RHOT1: variants seen among roughly 807,000 people sequenced by gnomAD.
The protein encoded by RHOT1 is ras homolog family member T1.
RHOT1 carries 27 observed loss-of-function variants against 95.3 expected under a neutral mutation model. That is an observed-to-expected ratio of 0.28 (90% CI 0.21 to 0.39). RHOT1 has a LOEUF of 0.39. Among genes scored for constraint, RHOT1 ranks in the 10% least tolerant of loss-of-function variants. The probability of loss-of-function intolerance (pLI) is 1.00; values close to 1 mark genes in which losing one functional copy is unlikely to be tolerated. For missense variants in RHOT1, 578 were observed against 786.7 expected, an observed-to-expected ratio of 0.73 and a Z score of 3.17; for synonymous variants, 227 against 263.5, an observed-to-expected ratio of 0.86 and a Z score of 1.34.
chr17:32,222,122 A>G (rs185554629), intron 19 of RHOT1, among the ~76,000 whole-genome samples: 3 of 152,360 alleles, frequency 2.0e-5, no homozygotes, highest in East Asian at 1.9e-4. Flanking sequence ...AATCTCCATC[A>G]GTGCAGATGC....
Position 32,142,548 on chromosome 17 carries a change from T to A in RHOT1, c.-145T>A, listed in dbSNP as rs528429455. On this transcript the variant is annotated 5_prime_UTR_variant, in exon 1 of 20. Coordinates refer to ENST00000545287, the MANE Select transcript of RHOT1 (RefSeq NM_001033566.3). ...GGCGGAGCTGGCGCTGTCCCGGCTC[T>A]CTTGCGGGGAAGCAACTGAGGGGGC... is the stretch of plus-strand genomic sequence containing the variant. 1 of 612,480 alleles carries A rather than the reference T, an allele frequency of 1.6e-6. No individual in the cohort carries two copies. The highest frequency in any genetic ancestry group is 4.2e-5 in the Admixed American group (1 of 23,992). The allele number at this position is 612,480 out of a possible 1,614,324, so 37.9% of individuals were successfully genotyped here.
intron 11 of RHOT1, among the ~76,000 whole-genome samples, chr17:32,195,384 G>A (rs193140344): frequency 2.0e-5 from 3 of 152,198 alleles, no homozygotes; most frequent in East Asian, 1.9e-4. Flanking sequence ...AAGGTGCTGC[G>A]ATTACAGACA....
chr17:32,221,786 T>C (rs995955870), intron 19 of RHOT1, among the ~76,000 whole-genome samples: 8 of 152,128 alleles, frequency 5.3e-5, no homozygotes, highest in Admixed American at 4.6e-4. Context: ...AACTAAGCAA[T>C]AAGGTCAGTC....
At chr17:32,213,736 A>G (rs1462518096) in intron 19 of RHOT1, among the ~76,000 whole-genome samples, 1 of 152,160 alleles carries the variant, frequency 6.6e-6, no homozygotes, top group Non-Finnish European at 1.5e-5. Context: ...GAAACTCTTG[A>G]TTGTCCATAA....
At chr17:32,160,713 G>A (rs1241887798) in intron 1 of RHOT1, among the ~76,000 whole-genome samples, 1 of 152,186 alleles carries the variant, frequency 6.6e-6, no homozygotes, top group East Asian at 1.9e-4. Flanking sequence ...GCCCAAGCTG[G>A]CATCTGGAGC....
At chr17:32,179,191 G>C (rs2035339738) in intron 6 of RHOT1, 1 of 146,170 alleles carries the variant, frequency 6.8e-6, no homozygotes, top group Non-Finnish European at 1.4e-5. Context: ...CACCCCGTCT[G>C]GGAAGTGGGG....
chr17:32,154,586 CAAAAAAA>C (rs1022159247), intron 1 of RHOT1, among the ~76,000 whole-genome samples: 4 of 61,746 alleles, frequency 6.5e-5, no homozygotes, highest in Admixed American at 3.9e-4. Context: ...GGCTCCATCT[CAAAAAAA>C]AAAAAAAAAA....
intron 6 of RHOT1, among the ~76,000 whole-genome samples, chr17:32,181,029 G>T (rs537565987): frequency 6.6e-5 from 10 of 152,280 alleles, no homozygotes; most frequent in Admixed American, 6.5e-4. Flanking sequence ...CCTGGTTCTG[G>T]TAGGAATTTA....
At chr17:32,180,804 T>C (rs979627145) in intron 6 of RHOT1, among the ~76,000 whole-genome samples, 2 of 151,904 alleles carry the variant, frequency 1.3e-5, no homozygotes, top group Admixed American at 1.3e-4. Context: ...CATGACAGCT[T>C]CCCAAGTAGC....
chr17:32,175,576 C>T (rs1425887002), intron 4 of RHOT1, among the ~76,000 whole-genome samples: 1 of 152,170 alleles, frequency 6.6e-6, no homozygotes, highest in Non-Finnish European at 1.5e-5. Context: ...CATGCCTCAG[C>T]CTCCCAAGTA....
chr17:32,143,574 C>G (rs1230674449), intron 1 of RHOT1, among the ~76,000 whole-genome samples: 1 of 152,120 alleles, frequency 6.6e-6, no homozygotes, highest in Admixed American at 6.6e-5. Context: ...CATTTGATAT[C>G]TCCCCCCACC....
chr17:32,193,897 A>G, intron 10 of RHOT1, 90 bp from the exon 11 acceptor site: 2 of 1,465,748 alleles, frequency 1.4e-6, no homozygotes, highest in East Asian at 2.3e-5. Flanking sequence ...TAGCATCCGT[A>G]TGTTCATGAA....
At chr17:32,214,788 G>A (rs2038353391) in intron 19 of RHOT1, among the ~76,000 whole-genome samples, 1 of 151,898 alleles carries the variant, frequency 6.6e-6, no homozygotes, top group South Asian at 2.1e-4. Context: ...TTCATAGGGA[G>A]GGTTCTCACC....
At chr17:32,191,922 C>G (rs1049152225) in intron 8 of RHOT1, among the ~76,000 whole-genome samples, 1 of 152,180 alleles carries the variant, frequency 6.6e-6, no homozygotes, top group Admixed American at 6.5e-5. Flanking sequence ...CTTTCTGTGA[C>G]TAGAAAAATG....
intron 9 of RHOT1, 41 bp from the exon 10 acceptor site, chr17:32,193,095 C>T (rs201271634): frequency 3.4e-5 from 42 of 1,231,066 alleles, no homozygotes; most frequent in South Asian, 1.2e-4. Context: ...GTGGTTTTAA[C>T]GCTGGTTTGT....
rs111353649 is a variant in RHOT1, at chr17:32,194,126, T to G, written c.869+19T>G. 3.4e-5 allele frequency: 54 copies of G among 1,608,598 alleles called. No homozygotes were observed. The highest frequency in any genetic ancestry group is 3.3e-4 in the East Asian group (15 of 44,814). On this transcript the variant is annotated intron_variant, in intron 11 of 19. Transcript: ENST00000545287. The stretch of plus-strand genomic sequence containing the variant: ...TCCCCCTGTATGTACCTTTGTTTTT[T>G]TTGTTGTTGTTGTTGTTTAATTTTT...
At chr17:32,224,540 G>C in intron 19 of RHOT1, 76 bp from the exon 20 acceptor site, 1 of 1,007,846 alleles carries the variant, frequency 9.9e-7, no homozygotes, top group Non-Finnish European at 1.5e-6. Flanking sequence ...TTCCCTAAAA[G>C]TAGACTGCTA....
intron 1 of RHOT1, among the ~76,000 whole-genome samples, chr17:32,154,527 C>T (rs527624392): frequency 8.1e-4 from 116 of 142,650 alleles, no homozygotes; most frequent in African/African-American, 2.9e-3. Flanking sequence ...GCAGAGCTTA[C>T]GGTGAGCAGA....
chr17:32,164,637 A>G (rs2033878927), intron 1 of RHOT1, among the ~76,000 whole-genome samples: 2 of 152,040 alleles, frequency 1.3e-5, no homozygotes, highest in Admixed American at 1.3e-4. Context: ...AGGCTGAGGC[A>G]GATGGATGTC....
Sources: allele counts gnomAD v4.1 joint callset (sites outside exome capture counted in the v4.1 genomes callset), GRCh38; gene constraint gnomAD v4.1.1; transcripts MANE v1.5; gene names NCBI Gene and HGNC (gene_info 2026-07-23, HGNC 2026-07-21).